Variants in PNPLA7 observed in about 807,000 individuals in gnomAD.
PNPLA7 encodes the protein patatin like domain 7, lysophospholipase.
In PNPLA7, 153 loss-of-function variants were observed where a neutral mutation model predicts 161.7. The ratio of observed to expected loss-of-function variants is 0.95; its 90% CI spans 0.83 to 1.08. The LOEUF (loss-of-function observed/expected upper bound fraction) is 1.08. Ranked by LOEUF, PNPLA7 falls within the 50% of genes least tolerant of loss-of-function variation. The pLI is 0.00. For missense variants in PNPLA7, 1,739 were observed against 1,856.6 expected (o/e 0.94, Z 1.16); for synonymous variants, 809 against 782.1 (o/e 1.03, Z -0.57).
chr9:137,524,545 G>A lies in PNPLA7; in HGVS notation c.748-1688C>T, dbSNP rs539614159. ...TAAATATGCATCTCCCAGTGTTTGC[G>A]TGGACACAGTTCTCATCCCTCTTGC... On this transcript the variant is annotated intron_variant, in intron 8 of 34. Transcript: ENST00000406427. The surrounding 1 kb of genome is among the most constrained non-coding windows in gnomAD (Gnocchi z 4.4). 3.3e-5 allele frequency among the ~76,000 whole-genome samples: 5 copies of A among 152,360 alleles called. No individual in the cohort carries two copies. The highest frequency in any genetic ancestry group is 2.1e-4 in the South Asian group (1 of 4,832).
intron 21 of PNPLA7, 57 bp from the exon 22 acceptor site, chr9:137,481,080 ACAAGGCACCGACACCCAG>A: frequency 1.3e-6 from 2 of 1,526,816 alleles, no homozygotes; most frequent in South Asian, 2.4e-5. Context: ...TCCAACGCCA[ACAAGGCACCGACACCCAG>A]CAAGGTACCG....
chr9:137,473,525 G>A (rs1038340804), intron 25 of PNPLA7, among the ~76,000 whole-genome samples: 1 of 152,248 alleles, frequency 6.6e-6, no homozygotes, highest in East Asian at 1.9e-4. Context: ...GAGAAGAAAA[G>A]CCAAGACTGA....
chr9:137,539,290 C>T (rs1264153892), intron 8 of PNPLA7, among the ~76,000 whole-genome samples: 1 of 152,134 alleles, frequency 6.6e-6, no homozygotes, highest in African/African-American at 2.4e-5. Flanking sequence ...TTACAGTGAG[C>T]CAAGATTGCG....
intron 1 of PNPLA7, among the ~76,000 whole-genome samples, chr9:137,548,029 T>G (rs768194173): frequency 1.2e-4 from 19 of 152,040 alleles, no homozygotes; most frequent in Non-Finnish European, 1.9e-4. Context: ...GGAGCAGTGC[T>G]CAAAACCCCT....
At chr9:137,484,849 C>T (rs994079218) in intron 20 of PNPLA7, 113 bp from the exon 21 acceptor site, 53 of 1,302,158 alleles carry the variant, frequency 4.1e-5, no homozygotes, top group Middle Eastern at 5.3e-4. Flanking sequence ...CACCAGAGGC[C>T]GCCTGGCCCT....
intron 25 of PNPLA7, among the ~76,000 whole-genome samples, chr9:137,470,983 G>A (rs1347191324): frequency 6.6e-6 from 1 of 152,210 alleles, no homozygotes; most frequent in East Asian, 1.9e-4. Flanking sequence ...TCAGTGGTGG[G>A]CTGAACACCT....
rs530919849 is a variant in PNPLA7, at chr9:137,473,773, T to C, written c.2882+4261A>G. On this transcript the variant is annotated intron_variant, in intron 25 of 34. Coordinates refer to ENST00000406427, the MANE Select transcript of PNPLA7 (RefSeq NM_001098537.3). ...GAGACACCACTGCAGACCATTAGAA[T>C]GGGCAAAATTTAAAATACTGCCATT... is the stretch of plus-strand genomic sequence containing the variant. Among the ~76,000 whole-genome samples the C allele has an allele frequency of 4.6e-4, 70 of 152,278 alleles. 2 individuals are homozygous for C. The highest frequency in any genetic ancestry group is 4.4e-4 in the Non-Finnish European group (30 of 68,032).
rs146033561 is a variant in PNPLA7 at position 137,543,541 on chromosome 9, G to A, written c.397C>T (p.Leu133=). The stretch of plus-strand genomic sequence containing the variant: ...GAGGGCGGGGGCTCCTTGGGCTGCA[G>A]GGCCGGGTATTCCTTCTTGAAACGC... The part of the protein sequence containing the change: ...ILRFKKEYPA[L]QPKEPPPSLL... Residue 133 remains leucine, a synonymous_variant, in exon 6 of 35, where the codon CTG becomes TTG. Transcript: ENST00000406427. This position sits in a 1 kb window ranked among gnomAD's most constrained non-coding sequence, Gnocchi z 6.9. 2.5e-6 allele frequency: 4 copies of A among 1,613,720 alleles called. No homozygotes were observed. The highest frequency in any genetic ancestry group is 1.7e-5 in the Admixed American group (1 of 59,968).
At chr9:137,545,675 A>G (rs201385774) in intron 4 of PNPLA7, among the ~76,000 whole-genome samples, 803 of 133,496 alleles carry the variant, frequency 6.0e-3, no homozygotes, top group South Asian at 7.2e-3. Flanking sequence ...CAATATTATA[A>G]TAATCCTCAC....
intron 14 of PNPLA7, 73 bp downstream of exon 14, chr9:137,505,541 G>A (rs1833867533): frequency 5.1e-6 from 8 of 1,565,158 alleles, no homozygotes; most frequent in Non-Finnish European, 7.0e-6. Context: ...TGGAACCACT[G>A]CCCAACAGAG....
chr9:137,481,260 C>T (rs972012659), intron 21 of PNPLA7, among the ~76,000 whole-genome samples: 1 of 152,232 alleles, frequency 6.6e-6, no homozygotes, highest in Admixed American at 6.5e-5. Flanking sequence ...CTGATGCTAC[C>T]TCCCATCTGC....
Position 137,468,080 on chromosome 9 carries a change from G to A in PNPLA7, c.2883-607C>T, listed in dbSNP as rs1160577426. On this transcript the variant is annotated intron_variant, in intron 25 of 34. Transcript: ENST00000406427. This position sits in a 1 kb window ranked among gnomAD's most constrained non-coding sequence, Gnocchi z 4.0. The stretch of plus-strand genomic sequence containing the variant: ...GAGAGGTGGTGGGAAAACTGGACTT[G>A]AGGGGCCCTGGAAGGGAGGAGCCTG... 1.3e-5 allele frequency among the ~76,000 whole-genome samples: 2 copies of A among 152,000 alleles called. No homozygotes were observed. Among genetic ancestry groups the A allele is most frequent in the African/African-American group, 2.4e-5 (1 of 41,364 alleles).
rs770908376 is a variant in PNPLA7, at chr9:137,543,778, G to A, written c.311C>T (p.Ala104Val). Residue 104 changes from alanine (A) to valine (V), a missense_variant, in exon 5 of 35, where the codon GCC becomes GTC. Physicochemically the swap from Ala to Val is moderately conservative, Grantham distance 64. Around this residue, in one of 6 missense-constraint regions of PNPLA7, gnomAD observed 209 missense variants for 252.8 expected, o/e 0.83. Transcript: ENST00000406427. The surrounding 1 kb of genome is among the most constrained non-coding windows in gnomAD (Gnocchi z 6.9). ...CTTCCTGGCCCGCTGCCGGGGCAGG[G>A]CAGTGTTCTCCACAAGGGTGTTGGG... ...TLPNTLVENTALPRQRARKRT... is the reference protein window; with the variant it reads ...TLPNTLVENTVLPRQRARKRT... 7.4e-6 allele frequency: 12 copies of A among 1,613,706 alleles called. No individual in the cohort carries two copies. Among genetic ancestry groups the A allele is most frequent in the Non-Finnish European group, 1.0e-5 (12 of 1,179,944 alleles).
chr9:137,501,796 G>A, intron 14 of PNPLA7, 69 bp from the exon 15 acceptor site: 1 of 1,483,104 alleles, frequency 6.7e-7, no homozygotes, highest in South Asian at 1.2e-5. Flanking sequence ...AACAGAGGCT[G>A]CACTGGGCTG....
At position 137,490,185 on chromosome 9, in the gene PNPLA7, C is replaced by T. The variant is rs574729343; in HGVS notation, c.2197+2828G>A. ...CATAGCTCACTGTAACCTCGAACTC[C>T]GAGGCCCAAACGATCCTCCCACCTC... On this transcript the variant is annotated intron_variant, in intron 20 of 34. Coordinates refer to ENST00000406427, the MANE Select transcript of PNPLA7 (RefSeq NM_001098537.3). This position sits in a 1 kb window ranked among gnomAD's most constrained non-coding sequence, Gnocchi z 4.1. 2.6e-5 allele frequency among the ~76,000 whole-genome samples: 4 copies of T among 152,302 alleles called. No individual in the cohort carries two copies. In the South Asian group the frequency reaches 6.2e-4, roughly 24 times the overall value.
chr9:137,475,649 C>T (rs981424672), intron 25 of PNPLA7, among the ~76,000 whole-genome samples: 4 of 151,752 alleles, frequency 2.6e-5, no homozygotes, highest in African/African-American at 9.7e-5. Flanking sequence ...GCTGGGATTA[C>T]AGGCGTGAGC....
chr9:137,521,996 T>C (rs2132486359), intron 9 of PNPLA7, among the ~76,000 whole-genome samples: 1 of 152,354 alleles, frequency 6.6e-6, no homozygotes, highest in Middle Eastern at 3.4e-3. Flanking sequence ...TTAATAAAAA[T>C]GTAAAAATCT....
chr9:137,519,007 TC>T (rs1258876265), intron 11 of PNPLA7, among the ~76,000 whole-genome samples: 1 of 119,162 alleles, frequency 8.4e-6, no homozygotes, highest in Non-Finnish European at 1.7e-5. Context: ...CTCCACTCTG[TC>T]CACTCCATCC....
intron 21 of PNPLA7, among the ~76,000 whole-genome samples, chr9:137,481,529 C>T (rs1336458374): frequency 6.6e-6 from 1 of 152,194 alleles, no homozygotes; most frequent in Non-Finnish European, 1.5e-5. Context: ...CAGTGTCAGC[C>T]CTGGCATCAC....
Sources: allele counts gnomAD v4.1 joint callset (sites outside exome capture counted in the v4.1 genomes callset), GRCh38; gene constraint gnomAD v4.1.1; regional missense constraint gnomAD v4.1.1; non-coding constraint Gnocchi (gnomAD v3.1); transcripts MANE v1.5; gene names NCBI Gene and HGNC (gene_info 2026-07-23, HGNC 2026-07-21).